Variants in ZKSCAN3 observed in about 807,000 individuals in gnomAD.
The protein encoded by ZKSCAN3 is zinc finger with KRAB and SCAN domains 3.
Under a neutral mutation model 30.7 loss-of-function variants are expected in ZKSCAN3, and 21 were observed. The ratio of observed to expected loss-of-function variants is 0.68; its 90% CI spans 0.49 to 0.99. The LOEUF is 0.99. Among genes scored for constraint, ZKSCAN3 ranks in the 50% least tolerant of loss-of-function variants. ZKSCAN3 has a pLI of 0.00. For missense variants in ZKSCAN3, 507 were observed against 647.1 expected (o/e 0.78, Z 2.35); for synonymous variants, 201 against 246.7 (o/e 0.81, Z 1.73).
chr6:28,365,722 A>T lies in ZKSCAN3; in HGVS notation c.1054A>T (p.Ile352Phe), dbSNP rs537210927. Reference protein sequence around the residue: ...YECEECGKAFIGSSALVIHQR... With the variant: ...YECEECGKAFFGSSALVIHQR... ...ATGTGAAGAGTGTGGCAAAGCCTTC[A>T]TTGGGAGCTCTGCCCTTGTCATTCA... The change falls in exon 6 of 6, where the codon ATT (isoleucine) becomes TTT (phenylalanine). Residue 352 changes from isoleucine (I) to phenylalanine (F), a missense_variant. Physicochemically the swap from Ile to Phe is conservative, Grantham distance 21. Transcript: ENST00000252211. 1 of 1,614,046 alleles carries T rather than the reference A, an allele frequency of 6.2e-7. No individual in the cohort carries two copies. Among genetic ancestry groups the T allele is most frequent in the African/African-American group, 1.3e-5 (1 of 75,062 alleles).
rs1401470623 is a variant in ZKSCAN3, at chr6:28,363,807, T to G, written c.749T>G (p.Val250Gly). The change falls in exon 5 of 6, where the codon GTC (valine) becomes GGC (glycine). Residue 250 changes from valine to glycine, a missense_variant. Val to Gly is a moderately radical substitution (Grantham distance 109). Coordinates refer to ENST00000252211, the MANE Select transcript of ZKSCAN3 (RefSeq NM_024493.4). ...AAGCAGGAGAACCATGGCAGCCTGG[T>G]CTCCCTGGGTAAGACTAAAGGACAC... ...DEKQENHGSLVSLGDEKQTKS... is the reference protein window; with the variant it reads ...DEKQENHGSLGSLGDEKQTKS... The G allele has an allele frequency of 6.2e-7, 1 of 1,613,614 alleles. No homozygotes were observed. The highest frequency in any genetic ancestry group is 8.5e-7 in the Non-Finnish European group (1 of 1,179,786).
rs1581744269 is a variant in ZKSCAN3, at chr6:28,366,355, A to G, written c.*70A>G. On this transcript the variant is annotated 3_prime_UTR_variant, in exon 6 of 6. Transcript: ENST00000252211. ...TGAAGCCACTCCCCCTGGAGTCTCAACTATAGAAATTGTGGGCTGGGCTTT... is the reference window on the plus strand; with the variant it reads ...TGAAGCCACTCCCCCTGGAGTCTCAGCTATAGAAATTGTGGGCTGGGCTTT... 3 of 1,449,186 alleles carry G rather than the reference A, an allele frequency of 2.1e-6. No individual in the cohort carries two copies. In the East Asian group the frequency reaches 7.0e-5, roughly 34 times the overall value. 89.8% of individuals were successfully genotyped at this position (1,449,186 alleles called of 1,614,324 possible).
At chr6:28,357,766 GCT>G (rs370492120) in intron 1 of ZKSCAN3, among the ~76,000 whole-genome samples, 162 of 152,336 alleles carry the variant, frequency 1.1e-3, no homozygotes, top group African/African-American at 3.7e-3. Context: ...GGCAGCCTAT[GCT>G]CTCTCCAGGG....
In ZKSCAN3 at chr6:28,359,966, A is replaced by C; in HGVS notation, c.380A>C (p.Gln127Pro). 1 of 1,614,170 alleles carries C rather than the reference A, an allele frequency of 6.2e-7. No homozygotes were observed. Among genetic ancestry groups the C allele is most frequent in the Non-Finnish European group, 8.5e-7 (1 of 1,180,022 alleles). Residue 127 changes from glutamine to proline, a missense_variant, in exon 2 of 6, where the codon CAG becomes CCG. By Grantham distance (76) the Gln-to-Pro change is moderately conservative (BLOSUM62 -1). Coordinates refer to ENST00000252211, the MANE Select transcript of ZKSCAN3 (RefSeq NM_024493.4). ...GTGCTATTGGAGTATTTGGAGAGGC[A>C]GCTGGATGAGCCGGCGCCGCAGGTA... ...VVVLLEYLERQLDEPAPQVSG... is the reference protein window; with the variant it reads ...VVVLLEYLERPLDEPAPQVSG...
chr6:28,350,678 A>C (rs1764941740), intron 1 of ZKSCAN3, among the ~76,000 whole-genome samples: 1 of 152,192 alleles, frequency 6.6e-6, no homozygotes, highest in South Asian at 2.1e-4. Flanking sequence ...TATAACTATG[A>C]TGACACATTA....
chr6:28,364,195 C>T (rs1018169207), intron 5 of ZKSCAN3, among the ~76,000 whole-genome samples: 2 of 152,104 alleles, frequency 1.3e-5, no homozygotes, highest in African/African-American at 4.8e-5. Context: ...AGGCTGGTCT[C>T]GGACTCCAGG....
In ZKSCAN3 at chr6:28,359,693, G is replaced by A. The variant is rs757265466; in HGVS notation, c.107G>A (p.Ser36Asn). ...KVEEEEAGFP[S>N]SPDLGSEGSR... ...GAGGAAGAAGAAGCCGGTTTTCCCAGTAGCCCAGATCTGGGTTCTGAGGGC... is the reference window on the plus strand; with the variant it reads ...GAGGAAGAAGAAGCCGGTTTTCCCAATAGCCCAGATCTGGGTTCTGAGGGC... The change falls in exon 2 of 6, where the codon AGT (serine) becomes AAT (asparagine). Residue 36 changes from serine to asparagine, a missense_variant. Physicochemically the swap from Ser to Asn is conservative, Grantham distance 46. Coordinates refer to ENST00000252211, the MANE Select transcript of ZKSCAN3 (RefSeq NM_024493.4). 5.0e-5 allele frequency: 80 copies of A among 1,614,132 alleles called. No individual in the cohort carries two copies. The highest frequency in any genetic ancestry group is 4.9e-5 in the Non-Finnish European group (58 of 1,180,056).
At chr6:28,350,750 G>A (rs1241083797) in intron 1 of ZKSCAN3, among the ~76,000 whole-genome samples, 1 of 152,092 alleles carries the variant, frequency 6.6e-6, no homozygotes, top group Admixed American at 6.5e-5. Context: ...ACTTTGTAAT[G>A]GATGATTTCT....
rs200896456 is a variant in ZKSCAN3, at chr6:28,351,982, G to GTT, written c.-63+1926_-63+1927dup. 3.3e-4 allele frequency among the ~76,000 whole-genome samples: 48 copies of GTT among 145,698 alleles called. No homozygotes were observed. The highest frequency in any genetic ancestry group is 1.1e-3 in the South Asian group (5 of 4,596). On this transcript the variant is annotated intron_variant, in intron 1 of 5. Transcript: ENST00000252211. This position sits in a 1 kb window ranked among gnomAD's most constrained non-coding sequence, Gnocchi z 4.6. ...AATAATTGTCTCAAATATTTCTAGA[G>GTT]TTTTTTTTTTTTACAGTCTTTTTAC...
At chr6:28,354,146 A>C (rs547464142) in intron 1 of ZKSCAN3, 39 of 359,706 alleles carry the variant, frequency 1.1e-4, no homozygotes, top group Non-Finnish European at 1.2e-4. Context: ...TCTGTCTGCA[A>C]GATGGCCAGT....
chr6:28,363,206 A>T, intron 3 of ZKSCAN3, 97 bp from the exon 4 acceptor site: 3 of 1,084,190 alleles, frequency 2.8e-6, no homozygotes, highest in Non-Finnish European at 4.1e-6. Context: ...ATCAAGTGAG[A>T]CAGGAATCTA....
chr6:28,350,847 T>C (rs1764958974), intron 1 of ZKSCAN3, among the ~76,000 whole-genome samples: 1 of 152,206 alleles, frequency 6.6e-6, no homozygotes, highest in Non-Finnish European at 1.5e-5. Context: ...GACGTTGTGA[T>C]ACTCAAACTC....
At chr6:28,355,411 A>G (rs1765360530) in intron 1 of ZKSCAN3, 1 of 152,186 alleles carries the variant, frequency 6.6e-6, no homozygotes, top group Non-Finnish European at 1.5e-5. Flanking sequence ...GCAGTTAGTA[A>G]CTGCTTCTCT....
rs761740577 is a variant in ZKSCAN3 at position 28,363,316 on chromosome 6, C to T, written c.564C>T (p.Pro188=). The T allele has an allele frequency of 1.7e-5, 28 of 1,613,858 alleles. No individual in the cohort carries two copies. Among genetic ancestry groups the T allele is most frequent in the African/African-American group, 2.7e-5 (2 of 74,876 alleles). The change falls in exon 4 of 6, where the codon CCC becomes CCT. Residue 188 remains proline, a synonymous_variant. Coordinates refer to ENST00000252211, the MANE Select transcript of ZKSCAN3 (RefSeq NM_024493.4). The part of the protein sequence containing the change: ...QPLQDRVLQV[P]VLAHGGCCRE... ...TTTCCTTCTTAGTTCTCCAGGTCCC[C>T]GTGCTTGCCCATGGAGGATGCTGCA...
chr6:28,361,353 G>T lies in ZKSCAN3; in HGVS notation c.432G>T (p.Leu144=). The T allele has an allele frequency of 6.2e-7, 1 of 1,613,508 alleles. No homozygotes were observed. The highest frequency in any genetic ancestry group is 8.5e-7 in the Non-Finnish European group (1 of 1,179,862). ...QVSGVDQGQE[L]LCCKMALLTP... ...CAGGTGTTGACCAGGGGCAAGAACT[G>T]CTCTGTTGCAAGATGGCACTATTGA... The change falls in exon 3 of 6, where the codon CTG becomes CTT. Residue 144 remains leucine (L), a synonymous_variant. Transcript: ENST00000252211.
In ZKSCAN3 at chr6:28,366,455, G is replaced by C. The variant is rs1015378478; in HGVS notation, c.*170G>C. 1 of 692,184 alleles carries C rather than the reference G, an allele frequency of 1.4e-6. No homozygotes were observed. The highest frequency in any genetic ancestry group is 2.1e-6 in the Non-Finnish European group (1 of 468,126). 42.9% of individuals were successfully genotyped at this position (692,184 alleles called of 1,614,324 possible). Reference sequence around the variant, plus strand: ...CAAATTATCTTCTAAGTTCTAGAAGGGGTTTGTAATCAAAACATATTTGAT... The same window carrying C: ...CAAATTATCTTCTAAGTTCTAGAAGCGGTTTGTAATCAAAACATATTTGAT... On this transcript the variant is annotated 3_prime_UTR_variant, in exon 6 of 6. Coordinates refer to ENST00000252211, the MANE Select transcript of ZKSCAN3 (RefSeq NM_024493.4).
intron 1 of ZKSCAN3, among the ~76,000 whole-genome samples, chr6:28,353,093 C>T (rs1449474200): frequency 6.6e-6 from 1 of 151,932 alleles, no homozygotes; most frequent in East Asian, 1.9e-4. Flanking sequence ...CTCAGCCTCC[C>T]AAGTAGCTGA....
At chr6:28,358,765 T>A (rs1040197077) in intron 1 of ZKSCAN3, among the ~76,000 whole-genome samples, 2 of 152,062 alleles carry the variant, frequency 1.3e-5, no homozygotes, top group South Asian at 4.1e-4. Context: ...ACACCTATAA[T>A]CCCAGCTTCT....
At chr6:28,356,951 T>G (rs1765471959) in intron 1 of ZKSCAN3, among the ~76,000 whole-genome samples, 1 of 152,156 alleles carries the variant, frequency 6.6e-6, no homozygotes, top group Admixed American at 6.5e-5. Context: ...GAGCCCCAGC[T>G]GAGGTCCAAG....
Sources: allele counts gnomAD v4.1 joint callset (sites outside exome capture counted in the v4.1 genomes callset), GRCh38; gene constraint gnomAD v4.1.1; non-coding constraint Gnocchi (gnomAD v3.1); transcripts MANE v1.5; gene names NCBI Gene and HGNC (gene_info 2026-07-23, HGNC 2026-07-21).